The following GMDS variants were observed in gnomAD, a reference collection of about 807,000 sequenced individuals.
GMDS encodes the protein GDP-mannose 4,6 dehydratase.
Under a neutral mutation model 49.9 loss-of-function variants are expected in GMDS, and 20 were observed. That is an observed-to-expected ratio of 0.40 (90% CI 0.28 to 0.58). The LOEUF is 0.58. GMDS is among the 20% of genes least tolerant of loss of function. GMDS has a pLI of 0.42. For synonymous variants in GMDS, 177 were observed against 178.6 expected, an observed-to-expected ratio of 0.99 and a Z score of 0.07; for missense variants, 362 against 481.4, an observed-to-expected ratio of 0.75 and a Z score of 2.32.
intron 7 of GMDS, among the ~76,000 whole-genome samples, chr6:1,812,488 G>GA (rs541000305): frequency 9.2e-5 from 14 of 151,668 alleles, no homozygotes; most frequent in African/African-American, 3.1e-4. Context: ...GATCTGAGGG[G>GA]AAAAAAAGAA....
chr6:1,790,443 C>T (rs945327053), intron 7 of GMDS, among the ~76,000 whole-genome samples: 1 of 152,144 alleles, frequency 6.6e-6, no homozygotes, highest in Non-Finnish European at 1.5e-5. Context: ...TTCAGATTCA[C>T]ACAGAAAGTG....
At chr6:1,832,131 G>C (rs1756676008) in intron 7 of GMDS, among the ~76,000 whole-genome samples, 1 of 151,586 alleles carries the variant, frequency 6.6e-6, no homozygotes, top group Non-Finnish European at 1.5e-5. Context: ...AAGGTGGGAG[G>C]ATCACTTGAG....
At chr6:2,172,864 G>C (rs966567063) in intron 1 of GMDS, among the ~76,000 whole-genome samples, 2 of 152,154 alleles carry the variant, frequency 1.3e-5, no homozygotes, top group African/African-American at 4.8e-5. Context: ...GATAACATTA[G>C]TGGATATCAG....
At chr6:1,722,440 G>T (rs1766420256) in intron 9 of GMDS, among the ~76,000 whole-genome samples, 1 of 151,716 alleles carries the variant, frequency 6.6e-6, no homozygotes, top group Admixed American at 6.6e-5. Context: ...GACTGTATCT[G>T]TTTTGTTCAT....
At chr6:1,851,191 G>A (rs74474744) in intron 7 of GMDS, among the ~76,000 whole-genome samples, 4,284 of 152,256 alleles carry the variant, frequency 0.028, 199 homozygotes, top group African/African-American at 0.097. Flanking sequence ...AGAATGGAAC[G>A]TAGGACATTT....
At chr6:1,894,240 C>A (rs1204441002) in intron 7 of GMDS, among the ~76,000 whole-genome samples, 1 of 152,126 alleles carries the variant, frequency 6.6e-6, no homozygotes, top group East Asian at 1.9e-4. Flanking sequence ...ACTCACACTT[C>A]TAATCTGATC....
At chr6:2,224,888 T>G (rs1444924135) in intron 1 of GMDS, among the ~76,000 whole-genome samples, 1 of 152,200 alleles carries the variant, frequency 6.6e-6, no homozygotes, top group Non-Finnish European at 1.5e-5. Flanking sequence ...GCTAGTACCA[T>G]TATCCTCACT....
At chr6:1,842,417 A>C (rs745453499) in intron 7 of GMDS, among the ~76,000 whole-genome samples, 1 of 152,186 alleles carries the variant, frequency 6.6e-6, no homozygotes, top group Non-Finnish European at 1.5e-5. Context: ...AACTCTAGCT[A>C]GGGAGATGGG....
chr6:1,746,856 C>T (rs1333499614), intron 7 of GMDS, among the ~76,000 whole-genome samples: 2 of 152,034 alleles, frequency 1.3e-5, no homozygotes, highest in Admixed American at 1.3e-4. Context: ...TGTGCGCCAC[C>T]ATACCCGGCT....
At chr6:1,682,512 C>G (rs942228658) in intron 9 of GMDS, among the ~76,000 whole-genome samples, 1 of 151,900 alleles carries the variant, frequency 6.6e-6, no homozygotes, top group East Asian at 1.9e-4. Context: ...GCCAGGCAGG[C>G]GGGCAGGCCA....
chr6:1,835,980 C>T lies in GMDS; in HGVS notation c.772-93394G>A, dbSNP rs535071286. Reference sequence around the variant, plus strand: ...AGCGCTCACTGTAAGCTCCGCCTCCCGGGTTCACACCACCGGAGCTGTGAC... The same window carrying T: ...AGCGCTCACTGTAAGCTCCGCCTCCTGGGTTCACACCACCGGAGCTGTGAC... On this transcript the variant is annotated intron_variant, in intron 7 of 10. Coordinates refer to ENST00000380815, the MANE Select transcript of GMDS (RefSeq NM_001500.4). 5.3e-5 allele frequency among the ~76,000 whole-genome samples: 8 copies of T among 152,134 alleles called. 1 individual carries two copies. The East Asian group carries it at 7.7e-4, about 15-fold the overall frequency.
intron 1 of GMDS, among the ~76,000 whole-genome samples, chr6:2,240,601 CAAAAAAAAA>C (rs57052982): frequency 5.9e-5 from 5 of 84,070 alleles, no homozygotes; most frequent in Admixed American, 4.2e-4. Flanking sequence ...AAGACTGTCT[CAAAAAAAAA>C]AAAAAAAAAA....
At chr6:1,843,962 C>A (rs1473040516) in intron 7 of GMDS, among the ~76,000 whole-genome samples, 1 of 152,136 alleles carries the variant, frequency 6.6e-6, no homozygotes, top group Non-Finnish European at 1.5e-5. Context: ...GGCTTGTCGG[C>A]AAGAGACTTC....
chr6:1,795,049 A>C (rs1040632630), intron 7 of GMDS, among the ~76,000 whole-genome samples: 1 of 151,848 alleles, frequency 6.6e-6, no homozygotes, highest in Non-Finnish European at 1.5e-5. Flanking sequence ...AAAACACAAA[A>C]ATTAGCCAGG....
chr6:2,200,747 T>TAAC (rs1779482935), intron 1 of GMDS, among the ~76,000 whole-genome samples: 1 of 124,042 alleles, frequency 8.1e-6, no homozygotes, highest in African/African-American at 3.1e-5. Context: ...ATCCGAGATG[T>TAAC]AACCATCTAG....
At chr6:1,659,962 G>A (rs941888524) in intron 9 of GMDS, among the ~76,000 whole-genome samples, 3 of 151,222 alleles carry the variant, frequency 2.0e-5, no homozygotes, top group African/African-American at 7.3e-5. Context: ...TTAAACCTGG[G>A]CTCCCTGTGG....
chr6:1,916,435 G>C (rs890112093), intron 7 of GMDS, among the ~76,000 whole-genome samples: 2 of 151,856 alleles, frequency 1.3e-5, no homozygotes, highest in African/African-American at 4.8e-5. Context: ...GTGAAAGAAA[G>C]GGAGAGAGAG....
At chr6:1,646,926 C>T (rs1318880583) in intron 9 of GMDS, among the ~76,000 whole-genome samples, 1 of 152,186 alleles carries the variant, frequency 6.6e-6, no homozygotes, top group Non-Finnish European at 1.5e-5. Flanking sequence ...CAGAGGGGGC[C>T]TACTGGGCTC....
At chr6:1,685,015 C>T (rs1229305926) in intron 9 of GMDS, among the ~76,000 whole-genome samples, 1 of 112,300 alleles carries the variant, frequency 8.9e-6, no homozygotes, top group East Asian at 2.1e-4. Context: ...CTCTCTCCCC[C>T]CCCTTTTTTT....
Sources: allele counts gnomAD v4.1 joint callset (sites outside exome capture counted in the v4.1 genomes callset), GRCh38; gene constraint gnomAD v4.1.1; transcripts MANE v1.5; gene names NCBI Gene and HGNC (gene_info 2026-07-23, HGNC 2026-07-21).